PAPPA2: variants seen among roughly 807,000 people sequenced by gnomAD.
PAPPA2 encodes the protein pappalysin 2, also known as pappalysin-2.
A neutral mutation model predicts 176.4 loss-of-function variants in PAPPA2; 86 were observed. The ratio of observed to expected loss-of-function variants is 0.49; its 90% CI spans 0.41 to 0.58. The LOEUF is 0.58. Ranked by LOEUF, PAPPA2 falls within the 20% of genes least tolerant of loss-of-function variation. The pLI, the probability that PAPPA2 is intolerant of heterozygous loss-of-function variation, is 0.00. For synonymous variants in PAPPA2, 809 were observed against 852.2 expected (o/e 0.95, Z 0.88); for missense variants, 2,073 against 2,256.9 (o/e 0.92, Z 1.65).
At chr1:176,792,121 A>G (rs1665202928) in intron 19 of PAPPA2, among the ~76,000 whole-genome samples, 1 of 152,192 alleles carries the variant, frequency 6.6e-6, no homozygotes, top group Non-Finnish European at 1.5e-5. Flanking sequence ...TCTTTCATGC[A>G]TCATTCTTCA....
At chr1:176,655,369 A>AT (rs751658300) in intron 3 of PAPPA2, among the ~76,000 whole-genome samples, 12 of 151,828 alleles carry the variant, frequency 7.9e-5, no homozygotes, top group Non-Finnish European at 1.2e-4. Context: ...TTTGTTAACT[A>AT]TTCATCTGAC....
chr1:176,634,015 C>T (rs577820581), intron 3 of PAPPA2, among the ~76,000 whole-genome samples: 1 of 152,298 alleles, frequency 6.6e-6, no homozygotes, highest in African/African-American at 2.4e-5. Flanking sequence ...CTAGTTCAAC[C>T]ATTGTGGAAG....
chr1:176,647,230 G>T (rs2102737042), intron 3 of PAPPA2, among the ~76,000 whole-genome samples: 1 of 151,532 alleles, frequency 6.6e-6, no homozygotes, highest in South Asian at 2.1e-4. Context: ...GTCTATTCAG[G>T]TGTTTTGTCC....
At chr1:176,524,999 G>A (rs969058183) in intron 1 of PAPPA2, among the ~76,000 whole-genome samples, 1 of 152,124 alleles carries the variant, frequency 6.6e-6, no homozygotes, top group Non-Finnish European at 1.5e-5. Flanking sequence ...CCGAGTTCGC[G>A]CCACTGCACT....
chr1:176,840,339 C>A, intron 22 of PAPPA2, 68 bp downstream of exon 22: 1 of 1,252,524 alleles, frequency 8.0e-7, no homozygotes, highest in African/African-American at 1.5e-5. Flanking sequence ...CTTCAGCTAG[C>A]TCTCATTCAT....
intron 17 of PAPPA2, among the ~76,000 whole-genome samples, chr1:176,774,363 T>C (rs1664359578): frequency 6.6e-6 from 1 of 152,168 alleles, no homozygotes; most frequent in African/African-American, 2.4e-5. Context: ...GCTGCTTGGA[T>C]ATCGTGTCTA....
At chr1:176,510,645 A>T (rs1648541873) in intron 1 of PAPPA2, among the ~76,000 whole-genome samples, 1 of 152,076 alleles carries the variant, frequency 6.6e-6, no homozygotes, top group African/African-American at 2.4e-5. Flanking sequence ...AACTGAAGCA[A>T]AAACGGCAGT....
intron 21 of PAPPA2, among the ~76,000 whole-genome samples, chr1:176,817,923 G>T (rs539477636): frequency 5.3e-5 from 8 of 152,098 alleles, no homozygotes; most frequent in Non-Finnish European, 8.8e-5. Flanking sequence ...AATGGATGAG[G>T]TCACGCAGGA....
intron 21 of PAPPA2, among the ~76,000 whole-genome samples, chr1:176,837,166 T>G (rs1667303463): frequency 6.6e-6 from 1 of 152,214 alleles, no homozygotes; most frequent in Non-Finnish European, 1.5e-5. Context: ...ATTTGTCCAT[T>G]TCATCTGCCT....
At chr1:176,817,930 A>C (rs1054774222) in intron 21 of PAPPA2, among the ~76,000 whole-genome samples, 1 of 152,114 alleles carries the variant, frequency 6.6e-6, no homozygotes, top group Non-Finnish European at 1.5e-5. Flanking sequence ...GAGGTCACGC[A>C]GGAGTGTGAA....
intron 18 of PAPPA2, among the ~76,000 whole-genome samples, 174 bp from the exon 19 acceptor site, chr1:176,791,173 A>ATTTTTTTTTTTTTT (rs57185368): frequency 2.5e-5 from 2 of 80,880 alleles, no homozygotes; most frequent in African/African-American, 1.2e-4. Flanking sequence ...AAAGCAAAGA[A>ATTTTTTTTTTTTTT]TTTTTTTTTT....
chr1:176,602,572 C>G (rs141679226), intron 3 of PAPPA2, among the ~76,000 whole-genome samples: 2 of 152,226 alleles, frequency 1.3e-5, no homozygotes, highest in African/African-American at 4.8e-5. Context: ...AAACATCAGC[C>G]AGGCTTCATT....
chr1:176,616,560 G>A (rs1226663907), intron 3 of PAPPA2: 67 of 1,432,700 alleles, frequency 4.7e-5, no homozygotes, highest in Admixed American at 7.3e-5. Context: ...AATCTGGTTG[G>A]ATGGTGGTGC....
chr1:176,812,529 T>C (rs1666199852), intron 21 of PAPPA2, among the ~76,000 whole-genome samples: 2 of 152,168 alleles, frequency 1.3e-5, no homozygotes, highest in African/African-American at 4.8e-5. Context: ...AATACATTAT[T>C]GAGATTATTC....
At chr1:176,822,412 C>T (rs959669510) in intron 21 of PAPPA2, among the ~76,000 whole-genome samples, 2 of 152,172 alleles carry the variant, frequency 1.3e-5, no homozygotes, top group Non-Finnish European at 2.9e-5. Context: ...AGGTCACTAA[C>T]AGTAGGTCTC....
chr1:176,826,791 G>A lies in PAPPA2; in HGVS notation c.5203-13382G>A, dbSNP rs191226931. Among the ~76,000 whole-genome samples the A allele has an allele frequency of 9.5e-4, 145 of 152,312 alleles. 1 individual carries two copies. The highest frequency in any genetic ancestry group is 3.3e-3 in the African/African-American group (138 of 41,554). ...ATTGTGGAAAAAGTCTGCAGAAATT[G>A]GGCAGAATAGAAAATGTGCGGGGCC... On this transcript the variant is annotated intron_variant, in intron 21 of 22. Transcript: ENST00000367662.
chr1:176,536,085 G>A (rs1479888510), intron 1 of PAPPA2, among the ~76,000 whole-genome samples: 1 of 152,114 alleles, frequency 6.6e-6, no homozygotes, highest in Admixed American at 6.6e-5. Context: ...AGCCTGTGAG[G>A]TTCCCCTGTC....
At chr1:176,561,215 TATC>T (rs1420348217) in intron 2 of PAPPA2, among the ~76,000 whole-genome samples, 15 of 152,166 alleles carry the variant, frequency 9.9e-5, no homozygotes, top group Admixed American at 9.8e-4. Context: ...GTATACAAAA[TATC>T]ATTCCATTTA....
At chr1:176,773,713 C>CATGCTATGTATTTTCAATACAT (rs1260317878) in intron 17 of PAPPA2, among the ~76,000 whole-genome samples, 2 of 152,200 alleles carry the variant, frequency 1.3e-5, no homozygotes, top group African/African-American at 4.8e-5. Context: ...GTTCAATACA[C>CATGCTATGTATTTTCAATACAT]ATGCTATGTA....
Sources: gnomAD v4.1 joint callset for allele counts (sites outside exome capture counted in the v4.1 genomes callset) on GRCh38, gnomAD v4.1.1 for gene constraint, MANE v1.5 for transcripts, NCBI Gene and HGNC (gene_info 2026-07-23, HGNC 2026-07-21) for gene names.